Variants in SH3GL1 observed in about 807,000 individuals in gnomAD.
The protein encoded by SH3GL1 is SH3 domain containing GRB2 like 1, endophilin A2.
Under a neutral mutation model 48.8 loss-of-function variants are expected in SH3GL1, and 21 were observed. The ratio of observed to expected loss-of-function variants is 0.43; its 90% CI spans 0.30 to 0.62. SH3GL1 has a LOEUF of 0.62. SH3GL1 is among the 20% of genes least tolerant of loss of function. SH3GL1 has a pLI of 0.11. For missense variants in SH3GL1, 454 were observed against 503.0 expected, an observed-to-expected ratio of 0.90 and a Z score of 0.93; for synonymous variants, 282 against 217.5, an observed-to-expected ratio of 1.30 and a Z score of -2.61.
In SH3GL1 at chr19:4,367,712, C is replaced by T. The variant is rs1337150956; in HGVS notation, c.46-718G>A. The stretch of plus-strand genomic sequence containing the variant: ...CGTGTGGTGGGAAGGCAGAAGCAAG[C>T]ACTGAATTCCCAAACCACTCCCTCT... On this transcript the variant is annotated intron_variant, in intron 1 of 9. Transcript: ENST00000269886. The surrounding 1 kb of genome is among the most constrained non-coding windows in gnomAD (Gnocchi z 4.2). Among the ~76,000 whole-genome samples the T allele has an allele frequency of 6.6e-6, 1 of 152,218 alleles. No individual in the cohort carries two copies. Among genetic ancestry groups the T allele is most frequent in the Non-Finnish European group, 1.5e-5 (1 of 68,038 alleles).
chr19:4,365,946 G>C (rs1972767749), intron 3 of SH3GL1, among the ~76,000 whole-genome samples: 1 of 152,200 alleles, frequency 6.6e-6, no homozygotes, highest in African/African-American at 2.4e-5. Context: ...GTGCAGCGGG[G>C]GGTGGTTGAG....
At chr19:4,366,452 A>G in intron 3 of SH3GL1, 49 bp downstream of exon 3, 1 of 1,436,764 alleles carries the variant, frequency 7.0e-7, no homozygotes, top group Non-Finnish European at 9.7e-7. Flanking sequence ...CCTCTGACAC[A>G]GAGGCCAGAG....
chr19:4,380,119 C>T (rs1020599770), intron 1 of SH3GL1: 2 of 152,244 alleles, frequency 1.3e-5, no homozygotes, highest in Non-Finnish European at 2.9e-5. Flanking sequence ...CTCCCTCCAA[C>T]ACCTGCCTAA....
Position 4,364,193 on chromosome 19 carries a change from G to C in SH3GL1, c.360C>G (p.Ser120=). ...FGDALLDAGE[S]MKRLAEVKDS... ...CCTTCACCTCTGCCAGGCGCTTCAT[G>C]GACTCGCCGGCATCCAGCAATGCGT... The change falls in exon 5 of 10, where the codon TCC becomes TCG. Residue 120 remains serine (S), a synonymous_variant. Transcript: ENST00000269886. 2.5e-6 allele frequency: 4 copies of C among 1,613,874 alleles called. No homozygotes were observed. The highest frequency in any genetic ancestry group is 3.4e-6 in the Non-Finnish European group (4 of 1,180,026).
At position 4,363,395 on chromosome 19, in the gene SH3GL1, C is replaced by G; in HGVS notation, c.703G>C (p.Glu235Gln). 1.2e-6 allele frequency: 2 copies of G among 1,609,484 alleles called. No homozygotes were observed. Among genetic ancestry groups the G allele is most frequent in the Non-Finnish European group, 1.7e-6 (2 of 1,178,346 alleles). Residue 235 changes from glutamate to glutamine, a missense_variant, in exon 7 of 10, where the codon GAG becomes CAG. Glu to Gln is a conservative substitution (Grantham distance 29). Around this residue, in one of 2 missense-constraint regions of SH3GL1, gnomAD observed 278 missense variants for 246.8 expected, o/e 1.13. Coordinates refer to ENST00000269886, the MANE Select transcript of SH3GL1 (RefSeq NM_003025.4). Reference protein sequence around the residue: ...YHRQAVQILDELAEKLKRRMR... With the variant: ...YHRQAVQILDQLAEKLKRRMR... ...CTGCGCTTGAGCTTCTCCGCCAGCT[C>G]GTCCAGGATCTGCACGGCCTGCCGG...
chr19:4,390,632 A>C (rs1458897899), intron 1 of SH3GL1: 2 of 152,390 alleles, frequency 1.3e-5, no homozygotes, highest in Non-Finnish European at 2.9e-5. Flanking sequence ...AAAAAGAACC[A>C]GAAGAGACCG....
chr19:4,373,921 G>A (rs908814593), intron 1 of SH3GL1, among the ~76,000 whole-genome samples: 11 of 152,252 alleles, frequency 7.2e-5, no homozygotes, highest in Non-Finnish European at 1.3e-4. Context: ...ATCGCCTTGG[G>A]GGTGCGTTTC....
chr19:4,384,393 C>T (rs1362972675), intron 1 of SH3GL1, among the ~76,000 whole-genome samples: 3 of 152,204 alleles, frequency 2.0e-5, no homozygotes, highest in African/African-American at 4.8e-5. Context: ...GCGCAACACA[C>T]GATATTGCTA....
At chr19:4,366,176 G>A (rs947514559) in intron 3 of SH3GL1, among the ~76,000 whole-genome samples, 1 of 152,212 alleles carries the variant, frequency 6.6e-6, no homozygotes, top group Non-Finnish European at 1.5e-5. Flanking sequence ...CAGGGGCACT[G>A]GGGAGGGGCG....
chr19:4,363,450 C>T lies in SH3GL1; in HGVS notation c.648G>A (p.Ser216=), dbSNP rs767318258. The T allele has an allele frequency of 2.9e-5, 46 of 1,612,578 alleles. No homozygotes were observed. Among genetic ancestry groups the T allele is most frequent in the South Asian group, 1.4e-4 (13 of 90,916 alleles). The change falls in exon 7 of 10, where the codon TCG becomes TCA. Residue 216 remains serine (S), a synonymous_variant. Coordinates refer to ENST00000269886, the MANE Select transcript of SH3GL1 (RefSeq NM_003025.4). ...AGTCCAGCTGTGCATCCACCAGGGC[C>T]GAGAGCTGACTCACCTGCTCGATCT... ...ETDIEQVSQL[S]ALVDAQLDYH... is the part of the protein sequence containing the mutation.
intron 4 of SH3GL1, 43 bp from the exon 5 acceptor site, chr19:4,364,264 A>G: frequency 6.2e-7 from 1 of 1,612,492 alleles, no homozygotes; most frequent in Non-Finnish European, 8.5e-7. Context: ...CGGGCCTGGG[A>G]CCACTAGACT....
intron 1 of SH3GL1, among the ~76,000 whole-genome samples, chr19:4,377,595 G>A (rs889868255): frequency 6.6e-6 from 1 of 152,220 alleles, no homozygotes; most frequent in African/African-American, 2.4e-5. Flanking sequence ...CAGCAGCTCT[G>A]CACAGCCAGC....
intron 4 of SH3GL1, 82 bp from the exon 5 acceptor site, chr19:4,364,303 A>G: frequency 6.4e-7 from 1 of 1,567,072 alleles, no homozygotes; most frequent in Non-Finnish European, 8.8e-7. Context: ...TGTTTTTGAA[A>G]TAGCGTTTCA....
chr19:4,366,504 G>C lies in SH3GL1; in HGVS notation c.184C>G (p.Pro62Ala). The C allele has an allele frequency of 1.2e-6, 2 of 1,609,268 alleles. No homozygotes were observed. Among genetic ancestry groups the C allele is most frequent in the Non-Finnish European group, 1.7e-6 (2 of 1,178,600 alleles). ...ARTIEYLQPN[P>A]ASRAKLTMLN... ...TGGCAGTGGCTGGAGCACCCACCTG[G>C]GTTGGGCTGCAGGTACTCGATGGTC... The change falls in exon 3 of 10, where the codon CCA (proline) becomes GCA (alanine). Residue 62 changes from proline (P) to alanine (A), a missense_variant. Transcript: ENST00000269886.
In SH3GL1 at chr19:4,362,370, C is replaced by A. The variant is rs997768573; in HGVS notation, c.869G>T (p.Arg290Leu). The A allele has an allele frequency of 2.5e-6, 4 of 1,611,838 alleles. No individual in the cohort carries two copies. Among genetic ancestry groups the A allele is most frequent in the East Asian group, 2.2e-5 (1 of 44,838 alleles). The change falls in exon 9 of 10, where the codon CGA becomes CTA. Residue 290 changes from arginine to leucine, a missense_variant. Transcript: ENST00000269886. ...GGTCCGGATGGGCTTGTCGGAAGAT[C>A]GGAAAGACGATGAAGCTAAACACAA... ...APKIAASSSFRSSDKPIRTPS... is the reference protein window; with the variant it reads ...APKIAASSSFLSSDKPIRTPS...
intron 1 of SH3GL1, among the ~76,000 whole-genome samples, chr19:4,379,721 G>A (rs369909771): frequency 7.2e-5 from 11 of 152,060 alleles, no homozygotes; most frequent in African/African-American, 1.9e-4. Flanking sequence ...CTTCGAGAAC[G>A]TGCCTCTGTG....
At chr19:4,387,540 C>T (rs1327108614) in intron 1 of SH3GL1, among the ~76,000 whole-genome samples, 3 of 152,198 alleles carry the variant, frequency 2.0e-5, no homozygotes, top group African/African-American at 7.2e-5. Context: ...GCAATCCTGC[C>T]TCAGCCTCCC....
intron 6 of SH3GL1, 97 bp from the exon 7 acceptor site, chr19:4,363,570 G>GAGGGGAC: frequency 1.5e-6 from 2 of 1,377,744 alleles, no homozygotes; most frequent in South Asian, 2.4e-5. Context: ...AGGGGGCTGA[G>GAGGGGAC]AGGGGACAGG....
At position 4,366,909 on chromosome 19, in the gene SH3GL1, C is replaced by A. The variant is rs781169794; in HGVS notation, c.114+17G>T. ...AGCAGTGCCACCACCACACAGAGCACGCAGTTTCTTCCTCACCTTCTCCAT... is the reference window on the plus strand; with the variant it reads ...AGCAGTGCCACCACCACACAGAGCAAGCAGTTTCTTCCTCACCTTCTCCAT... On this transcript the variant is annotated intron_variant, in intron 2 of 9. Coordinates refer to ENST00000269886, the MANE Select transcript of SH3GL1 (RefSeq NM_003025.4). 8.7e-6 allele frequency: 14 copies of A among 1,612,386 alleles called. No individual in the cohort carries two copies. The highest frequency in any genetic ancestry group is 1.7e-4 in the Middle Eastern group (1 of 5,926).
Sources: gnomAD v4.1 joint callset for allele counts (sites outside exome capture counted in the v4.1 genomes callset) on GRCh38, gnomAD v4.1.1 for gene constraint, gnomAD v4.1.1 regional missense constraint, Gnocchi (gnomAD v3.1) non-coding constraint, MANE v1.5 for transcripts, NCBI Gene and HGNC (gene_info 2026-07-23, HGNC 2026-07-21) for gene names.